HCRTR2: variants seen among roughly 807,000 people sequenced by gnomAD.
HCRTR2 encodes the protein orexin receptor type 2.
HCRTR2 carries 22 observed loss-of-function variants against 49.0 expected under a neutral mutation model. That is an observed-to-expected ratio of 0.45 (90% CI 0.32 to 0.64). HCRTR2 has a LOEUF of 0.64. Among genes scored for constraint, HCRTR2 ranks in the 30% least tolerant of loss-of-function variants. The pLI is 0.04. For synonymous variants in HCRTR2, 236 were observed against 205.3 expected (o/e 1.15, Z -1.28); for missense variants, 491 against 559.4 (o/e 0.88, Z 1.23).
intron 1 of HCRTR2, among the ~76,000 whole-genome samples, chr6:55,109,104 G>C (rs62416416): frequency 2.6e-5 from 4 of 152,000 alleles, no homozygotes; most frequent in Non-Finnish European, 5.9e-5. Context: ...TACCAGCCCA[G>C]AGCCTGGTAG....
chr6:55,174,518 A>T lies in HCRTR2; in HGVS notation c.-70A>T. 1 of 1,316,308 alleles carries T rather than the reference A, an allele frequency of 7.6e-7. No individual in the cohort carries two copies. The highest frequency in any genetic ancestry group is 1.1e-6 in the Non-Finnish European group (1 of 909,150). The allele number at this position is 1,316,308 out of a possible 1,614,324, so 81.5% of individuals were successfully genotyped here. ...TCTCCGCGCAGCCTTTCCCACCGCAAATCACCAGTGCTCATGGGGCAGGCG... is the reference window on the plus strand; with the variant it reads ...TCTCCGCGCAGCCTTTCCCACCGCATATCACCAGTGCTCATGGGGCAGGCG... On this transcript the variant is annotated 5_prime_UTR_variant, in exon 1 of 7. Transcript: ENST00000370862.
upstream of HCRTR2, among the ~76,000 whole-genome samples, chr6:55,173,703 A>C (rs1436239987): frequency 6.6e-6 from 1 of 152,178 alleles, no homozygotes; most frequent in Non-Finnish European, 1.5e-5. Context: ...CTATGATCAT[A>C]TTTATGACAC....
upstream of HCRTR2, chr6:55,174,343 G>T: frequency 1.8e-6 from 1 of 546,180 alleles, no homozygotes; most frequent in Non-Finnish European, 3.3e-6. Flanking sequence ...TCCAGTGCCG[G>T]GTCCCTAGTT....
intron 1 of HCRTR2, among the ~76,000 whole-genome samples, chr6:55,202,133 A>G (rs1031166848): frequency 6.6e-6 from 1 of 152,246 alleles, no homozygotes; most frequent in Non-Finnish European, 1.5e-5. Flanking sequence ...AACTTTTCAG[A>G]TTAAATAATG....
At chr6:55,283,460 T>C (rs1767234239), downstream of HCRTR2, among the ~76,000 whole-genome samples, 1 of 152,146 alleles carries the variant, frequency 6.6e-6, no homozygotes, top group Admixed American at 6.6e-5. Flanking sequence ...ACAATGACAG[T>C]TGATGTCAGT....
intron 1 of HCRTR2, among the ~76,000 whole-genome samples, chr6:55,187,097 A>T (rs1765228968): frequency 6.6e-6 from 1 of 152,026 alleles, no homozygotes; most frequent in African/African-American, 2.4e-5. Flanking sequence ...ATCAAAGTGT[A>T]ACCTCACCCA....
At chr6:55,276,406 T>C (rs192774944) in intron 4 of HCRTR2, among the ~76,000 whole-genome samples, 215 of 152,282 alleles carry the variant, frequency 1.4e-3, no homozygotes, top group Non-Finnish European at 1.8e-3. Flanking sequence ...CTATCGAACA[T>C]CTATTCTGAG....
chr6:55,218,528 T>G (rs752584984), intron 1 of HCRTR2, among the ~76,000 whole-genome samples: 1 of 152,176 alleles, frequency 6.6e-6, no homozygotes, highest in Non-Finnish European at 1.5e-5. Flanking sequence ...CACTCCAAAT[T>G]TGTAGACACA....
chr6:55,111,741 T>C (rs192057454), intron 1 of HCRTR2, among the ~76,000 whole-genome samples: 4 of 152,082 alleles, frequency 2.6e-5, no homozygotes, highest in Non-Finnish European at 5.9e-5. Flanking sequence ...TTGGTACCAA[T>C]CCTGTTGATA....
In HCRTR2 at chr6:55,210,622, A is replaced by G. The variant is rs557397510; in HGVS notation, c.223+35812A>G. Among the ~76,000 whole-genome samples the G allele has an allele frequency of 4.6e-5, 7 of 152,230 alleles. 1 individual carries two copies. The South Asian group carries it at 8.3e-4, about 18-fold the overall frequency. On this transcript the variant is annotated intron_variant, in intron 1 of 6. Transcript: ENST00000370862. ...AAATAAGTAAATTAGAACAGGAAAAATGCCAAAACACACAGACATGACCCT... is the reference window on the plus strand; with the variant it reads ...AAATAAGTAAATTAGAACAGGAAAAGTGCCAAAACACACAGACATGACCCT...
intron 1 of HCRTR2, among the ~76,000 whole-genome samples, chr6:55,124,810 A>G (rs1392853929): frequency 6.6e-6 from 1 of 152,090 alleles, no homozygotes; most frequent in Non-Finnish European, 1.5e-5. Context: ...TGATGCATAT[A>G]TATTTAGGAT....
At chr6:55,246,862 G>A (rs1268943785) in intron 1 of HCRTR2, among the ~76,000 whole-genome samples, 2 of 152,066 alleles carry the variant, frequency 1.3e-5, no homozygotes. Flanking sequence ...ACTAAAGAAA[G>A]AAGTGCTTTT....
chr6:55,192,413 G>GCGCACACACACACACA (rs139180472), intron 1 of HCRTR2, among the ~76,000 whole-genome samples: 248 of 128,512 alleles, frequency 1.9e-3, no homozygotes, highest in Admixed American at 0.014. Context: ...GCGCGCGCGC[G>GCGCACACACACACACA]CACACACACA....
intron 1 of HCRTR2, among the ~76,000 whole-genome samples, chr6:55,142,080 AAT>A (rs1764515018): frequency 6.6e-6 from 1 of 152,338 alleles, no homozygotes; most frequent in Non-Finnish European, 1.5e-5. Flanking sequence ...AAGTAAATTA[AAT>A]AGTAAGTTTT....
chr6:55,174,910 A>G, intron 1 of HCRTR2, 100 bp downstream of exon 1: 2 of 860,276 alleles, frequency 2.3e-6, no homozygotes, highest in Non-Finnish European at 4.0e-6. Flanking sequence ...CGGGAAGCAA[A>G]CAAAGAGGTC....
At chr6:55,264,769 GTTCTCTAAACT>G (rs1766831737) in intron 4 of HCRTR2, among the ~76,000 whole-genome samples, 1 of 151,966 alleles carries the variant, frequency 6.6e-6, no homozygotes, top group South Asian at 2.1e-4. Context: ...TATTTCTCTC[GTTCTCTAAACT>G]TACTGCCGAT....
chr6:55,196,320 A>G (rs1301417720), intron 1 of HCRTR2, among the ~76,000 whole-genome samples: 1 of 152,160 alleles, frequency 6.6e-6, no homozygotes, highest in Admixed American at 6.5e-5. Flanking sequence ...CCACAGCAGC[A>G]AATGAATTAT....
At chr6:55,136,313 C>G (rs892754874) in intron 1 of HCRTR2, among the ~76,000 whole-genome samples, 3 of 152,156 alleles carry the variant, frequency 2.0e-5, no homozygotes, top group African/African-American at 7.2e-5. Flanking sequence ...TTGAATTTAA[C>G]TACTAGAGCC....
At chr6:55,140,713 A>G in intron 1 of HCRTR2, among the ~76,000 whole-genome samples, 1 of 152,242 alleles carries the variant, frequency 6.6e-6, no homozygotes, top group East Asian at 1.9e-4. Flanking sequence ...GTGATGCAGA[A>G]ACTGAAGTAC....
Sources: allele counts gnomAD v4.1 joint callset (sites outside exome capture counted in the v4.1 genomes callset), GRCh38; gene constraint gnomAD v4.1.1; transcripts MANE v1.5; gene names NCBI Gene and HGNC (gene_info 2026-07-23, HGNC 2026-07-21).